The following CDH12 variants were observed in gnomAD, a reference collection of about 807,000 sequenced individuals.
The protein encoded by CDH12 is cadherin 12.
A neutral mutation model predicts 74.1 loss-of-function variants in CDH12; 41 were observed. The observed-to-expected ratio is 0.55, with a 90% confidence interval of 0.43 to 0.72. CDH12 has a LOEUF of 0.72. Among genes scored for constraint, CDH12 ranks in the 30% least tolerant of loss-of-function variants. The pLI, the probability that CDH12 is intolerant of heterozygous loss-of-function variation, is 0.00. For missense variants in CDH12, 945 were observed against 977.2 expected (o/e 0.97, Z 0.44); for synonymous variants, 399 against 355.0 (o/e 1.12, Z -1.39).
chr5:22,213,613 C>T (rs1324994061), intron 3 of CDH12: 3 of 152,158 alleles, frequency 2.0e-5, no homozygotes, highest in Non-Finnish European at 4.4e-5. Context: ...CTCAGCACTT[C>T]CTCATCAAGT....
At chr5:21,895,228 C>T (rs1753068694) in intron 6 of CDH12, among the ~76,000 whole-genome samples, 1 of 152,008 alleles carries the variant, frequency 6.6e-6, no homozygotes, top group Non-Finnish European at 1.5e-5. Context: ...ATGTATCTCC[C>T]CCTCACACTC....
chr5:22,498,907 T>C (rs1016486909), intron 2 of CDH12, among the ~76,000 whole-genome samples: 8 of 138,970 alleles, frequency 5.8e-5, no homozygotes, highest in South Asian at 4.7e-4. Flanking sequence ...GTTTCTTTTT[T>C]TTTTTTTTTT....
intron 7 of CDH12, among the ~76,000 whole-genome samples, chr5:21,847,558 G>A (rs1389383676): frequency 6.6e-6 from 1 of 151,940 alleles, no homozygotes; most frequent in Non-Finnish European, 1.5e-5. Flanking sequence ...TAGCAGATTA[G>A]CGTTTTCATA....
intron 8 of CDH12, among the ~76,000 whole-genome samples, chr5:21,829,472 A>G (rs982742258): frequency 9.2e-5 from 14 of 152,206 alleles, no homozygotes; most frequent in Non-Finnish European, 5.9e-5. Flanking sequence ...ATCAAATGAT[A>G]TATTCCCTTG....
chr5:22,041,950 A>G (rs1739602409), intron 5 of CDH12, among the ~76,000 whole-genome samples: 1 of 152,230 alleles, frequency 6.6e-6, no homozygotes, highest in African/African-American at 2.4e-5. Context: ...AAATCATGTC[A>G]AGTATTATTT....
chr5:21,945,070 A>G (rs1469358968), intron 6 of CDH12, among the ~76,000 whole-genome samples: 3 of 152,156 alleles, frequency 2.0e-5, no homozygotes, highest in Non-Finnish European at 4.4e-5. Context: ...TTATAAAACA[A>G]AAGAACTAGG....
chr5:22,208,204 T>G (rs1751329041), intron 4 of CDH12, among the ~76,000 whole-genome samples: 1 of 152,144 alleles, frequency 6.6e-6, no homozygotes, highest in Non-Finnish European at 1.5e-5. Context: ...CTGAGTTAGT[T>G]GTAATATTTT....
chr5:22,528,812 G>T (rs1737403463), intron 1 of CDH12, among the ~76,000 whole-genome samples: 1 of 152,040 alleles, frequency 6.6e-6, no homozygotes, highest in South Asian at 2.1e-4. Flanking sequence ...TATTGCCAGA[G>T]AACACCATGG....
At chr5:22,845,085 T>A (rs907551551) in intron 1 of CDH12, among the ~76,000 whole-genome samples, 2 of 152,160 alleles carry the variant, frequency 1.3e-5, no homozygotes, top group Non-Finnish European at 2.9e-5. Flanking sequence ...ACATTATACA[T>A]AGTGAGATAT....
intron 10 of CDH12, among the ~76,000 whole-genome samples, chr5:21,800,278 A>G (rs539682332): frequency 3.9e-5 from 6 of 152,072 alleles, no homozygotes; most frequent in African/African-American, 1.4e-4. Flanking sequence ...AGAAGTTGAG[A>G]CTTTGGGGGC....
intron 1 of CDH12, among the ~76,000 whole-genome samples, chr5:22,542,617 A>T (rs988789735): frequency 6.6e-6 from 1 of 152,120 alleles, no homozygotes; most frequent in Non-Finnish European, 1.5e-5. Flanking sequence ...CGTGTTTATC[A>T]CCCTTTGGCT....
intron 11 of CDH12, among the ~76,000 whole-genome samples, chr5:21,767,552 A>G (rs888021235): frequency 6.6e-6 from 1 of 151,682 alleles, no homozygotes; most frequent in Non-Finnish European, 1.5e-5. Context: ...TTCCCTGATC[A>G]CTAGATATCC....
intron 2 of CDH12, among the ~76,000 whole-genome samples, chr5:22,491,292 C>T (rs1344126525): frequency 6.6e-6 from 1 of 152,134 alleles, no homozygotes; most frequent in Non-Finnish European, 1.5e-5. Flanking sequence ...ATAATGGCCT[C>T]CAGTTGTATT....
intron 6 of CDH12, among the ~76,000 whole-genome samples, chr5:21,925,952 G>A (rs1027986657): frequency 1.3e-4 from 19 of 143,368 alleles, no homozygotes; most frequent in African/African-American, 4.5e-4. Context: ...AAAAAAAAAA[G>A]AAATGATTTC....
intron 2 of CDH12, among the ~76,000 whole-genome samples, chr5:22,483,092 A>G (rs1746445732): frequency 6.6e-6 from 1 of 152,136 alleles, no homozygotes; most frequent in Non-Finnish European, 1.5e-5. Context: ...TTGAAGATAT[A>G]CAGATTTTTT....
intron 3 of CDH12, among the ~76,000 whole-genome samples, chr5:22,363,353 A>G (rs765269800): frequency 1.3e-5 from 2 of 152,164 alleles, no homozygotes; most frequent in African/African-American, 2.4e-5. Context: ...AAACATTTTG[A>G]TCTTTTAATG....
At chr5:22,107,647 T>G (rs1050118610) in intron 4 of CDH12, among the ~76,000 whole-genome samples, 1 of 152,052 alleles carries the variant, frequency 6.6e-6, no homozygotes, top group Non-Finnish European at 1.5e-5. Context: ...CTGAAAAATC[T>G]TTTATATCAA....
intron 3 of CDH12, among the ~76,000 whole-genome samples, chr5:22,336,899 C>T (rs1739610082): frequency 6.6e-6 from 1 of 152,212 alleles, no homozygotes; most frequent in African/African-American, 2.4e-5. Flanking sequence ...CCATTGACAG[C>T]TTGCACCATC....
At chr5:22,796,522 T>C (rs1185093058) in intron 1 of CDH12, among the ~76,000 whole-genome samples, 1 of 91,532 alleles carries the variant, frequency 1.1e-5, no homozygotes, top group Non-Finnish European at 2.0e-5. Flanking sequence ...ATCTTTTTTT[T>C]TTTTTTTTTT....
Sources: gnomAD v4.1 joint callset for allele counts (sites outside exome capture counted in the v4.1 genomes callset) on GRCh38, gnomAD v4.1.1 for gene constraint, MANE v1.5 for transcripts, NCBI Gene and HGNC (gene_info 2026-07-23, HGNC 2026-07-21) for gene names.